Variants in XIRP2 observed in about 807,000 individuals in gnomAD.
XIRP2 encodes xin actin binding repeat containing 2.
XIRP2 carries 236 observed loss-of-function variants against 277.0 expected under a neutral mutation model. The ratio of observed to expected loss-of-function variants is 0.85; its 90% confidence interval spans 0.77 to 0.95. The LOEUF (loss-of-function observed/expected upper bound fraction) is 0.95, where lower values mean the gene tolerates loss of function less well. XIRP2 is among the 40% of genes least tolerant of loss of function. The pLI, the probability that XIRP2 is intolerant of heterozygous loss-of-function variation, is 0.00. For missense variants in XIRP2, 4,640 were observed against 4,157.5 expected, an observed-to-expected ratio of 1.12 and a Z score of -3.19; for synonymous variants, 1,490 against 1,416.5, an observed-to-expected ratio of 1.05 and a Z score of -1.17.
Position 166,963,703 on chromosome 2 carries a change from A to T in XIRP2, c.408+59813A>T, listed in dbSNP as rs138305712. Among the ~76,000 whole-genome samples the T allele has an allele frequency of 2.3e-3, 344 of 151,972 alleles. 2 individuals are homozygous for T. The highest frequency in any genetic ancestry group is 7.8e-3 in the African/African-American group (325 of 41,534). ...TCAGGAACCTCTCAGAAAGAAGACC[A>T]GCATAGCTGAAGCAGAGCAAAGAAG... On this transcript the variant is annotated intron_variant, in intron 2 of 10. Transcript: ENST00000409195.
intron 5 of XIRP2, among the ~76,000 whole-genome samples, chr2:167,221,455 C>A (rs1190481171): frequency 1.1e-5 from 1 of 93,836 alleles, no homozygotes. Flanking sequence ...AGCGAAACTC[C>A]ATCTCAAAAA....
At chr2:167,062,499 G>GT (rs1472898821) in intron 2 of XIRP2, among the ~76,000 whole-genome samples, 1 of 152,034 alleles carries the variant, frequency 6.6e-6, no homozygotes, top group Non-Finnish European at 1.5e-5. Flanking sequence ...TTGTTGTCTG[G>GT]TTTTGACAAC....
Position 167,254,000 on chromosome 2 carries a change from C to T in XIRP2, c.10556-32C>T, listed in dbSNP as rs202154970. On this transcript the variant is annotated intron_variant, in intron 9 of 10. Coordinates refer to ENST00000409195, the MANE Select transcript of XIRP2 (RefSeq NM_152381.6). ...TTTTACAATATGATTGAAGATAACA[C>T]TACAGAAGGCTTTGTAAATTTTTAT... 87 of 1,558,560 alleles carry T rather than the reference C, an allele frequency of 5.6e-5. 1 individual carries two copies. The Admixed American group carries it at 1.7e-3, about 30-fold the overall frequency.
chr2:166,920,427 A>G (rs990162623), intron 2 of XIRP2, among the ~76,000 whole-genome samples: 3 of 152,116 alleles, frequency 2.0e-5, no homozygotes, highest in Non-Finnish European at 4.4e-5. Flanking sequence ...TGTGTTTCTG[A>G]TATAAATGGA....
chr2:167,007,019 G>A (rs1687520326), intron 2 of XIRP2, among the ~76,000 whole-genome samples: 2 of 151,640 alleles, frequency 1.3e-5, no homozygotes, highest in Admixed American at 6.6e-5. Context: ...TAAAGGAAAA[G>A]CACCTGGTAC....
At chr2:166,974,436 G>A (rs1246644976) in intron 2 of XIRP2, among the ~76,000 whole-genome samples, 1 of 151,858 alleles carries the variant, frequency 6.6e-6, no homozygotes, top group Non-Finnish European at 1.5e-5. Context: ...AACTAAAATT[G>A]TGTATTGTGG....
chr2:167,009,220 C>T (rs1283776795), intron 2 of XIRP2, among the ~76,000 whole-genome samples: 4 of 114,932 alleles, frequency 3.5e-5, no homozygotes, highest in Non-Finnish European at 6.9e-5. Flanking sequence ...CCCCTCCCCC[C>T]ACCCCACAAC....
intron 2 of XIRP2, among the ~76,000 whole-genome samples, chr2:167,120,436 C>T (rs1691024395): frequency 6.6e-6 from 1 of 152,046 alleles, no homozygotes; most frequent in Non-Finnish European, 1.5e-5. Flanking sequence ...ATTCACAATC[C>T]TAGCTTTGAA....
intron 3 of XIRP2, among the ~76,000 whole-genome samples, chr2:167,165,068 C>G (rs915959442): frequency 3.3e-5 from 5 of 152,154 alleles, no homozygotes; most frequent in Non-Finnish European, 5.9e-5. Flanking sequence ...TTTGCCTTTT[C>G]TAGAATGTCA....
At chr2:167,237,304 A>T (rs896406271) in intron 5 of XIRP2, among the ~76,000 whole-genome samples, 1 of 152,214 alleles carries the variant, frequency 6.6e-6, no homozygotes, top group African/African-American at 2.4e-5. Flanking sequence ...ACATTTATTT[A>T]CAGTTTTTCT....
Position 167,249,681 on chromosome 2 carries a change from G to C in XIRP2, c.8289G>C (p.Lys2763Asn). The C allele has an allele frequency of 6.2e-7, 1 of 1,613,424 alleles. No individual in the cohort carries two copies. ...AAGCAAGCACTGAATGTAGTCATAAGCAATCTCTGGCTGAAAGACATTATC... is the reference window on the plus strand; with the variant it reads ...AAGCAAGCACTGAATGTAGTCATAACCAATCTCTGGCTGAAAGACATTATC... ...KTEASTECSHKQSLAERHYQL... is the reference protein window; with the variant it reads ...KTEASTECSHNQSLAERHYQL... The change falls in exon 9 of 11, where the codon AAG (lysine) becomes AAC (asparagine). Residue 2763 changes from lysine (K) to asparagine (N), a missense_variant. By Grantham distance (94) the Lys-to-Asn change is moderately conservative. Coordinates refer to ENST00000409195, the MANE Select transcript of XIRP2 (RefSeq NM_152381.6).
chr2:167,005,754 A>C (rs1005553183), intron 2 of XIRP2, among the ~76,000 whole-genome samples: 7 of 150,774 alleles, frequency 4.6e-5, no homozygotes, highest in Admixed American at 4.0e-4. Context: ...GTACTGGCCA[A>C]GTTTTAAATA....
intron 3 of XIRP2, among the ~76,000 whole-genome samples, chr2:167,201,184 GAGAGAGAA>G (rs1345355516): frequency 5.6e-5 from 7 of 124,418 alleles, no homozygotes; most frequent in Non-Finnish European, 9.6e-5. Context: ...AAGAAAGAGA[GAGAGAGAA>G]AGAAAGAAAG....
intron 2 of XIRP2, among the ~76,000 whole-genome samples, chr2:167,041,156 C>T (rs1041148371): frequency 2.0e-5 from 3 of 152,162 alleles, no homozygotes; most frequent in Non-Finnish European, 4.4e-5. Context: ...CTGAGCTAAG[C>T]CTTGGCCCCC....
At chr2:167,001,698 C>T (rs995712799) in intron 2 of XIRP2, among the ~76,000 whole-genome samples, 2 of 151,960 alleles carry the variant, frequency 1.3e-5, no homozygotes, top group Admixed American at 1.3e-4. Flanking sequence ...TGTAAGTGCC[C>T]CTAGTACAAA....
At chr2:167,062,243 C>A (rs1245047504) in intron 2 of XIRP2, among the ~76,000 whole-genome samples, 1 of 152,114 alleles carries the variant, frequency 6.6e-6, no homozygotes, top group Non-Finnish European at 1.5e-5. Flanking sequence ...GTGGGAATAC[C>A]TACACCAGGG....
Position 167,254,034 on chromosome 2 carries a change from G to A in XIRP2, c.10558G>A (p.Ala3520Thr), listed in dbSNP as rs920275836. Residue 3520 changes from alanine to threonine, a missense_variant and splice_region_variant, in exon 10 of 11, where the codon GCT (alanine) becomes ACT (threonine). Ala to Thr is a moderately conservative substitution (Grantham distance 58). Transcript: ENST00000409195. ...GCTTTGTAAATTTTTATTTTTAGAA[G>A]CTGCTGCTCCAAGACAAGGAAATAT... ...FQEESAFISE[A>T]AAPRQGNMYT... The A allele has an allele frequency of 6.3e-6, 10 of 1,575,932 alleles. No individual in the cohort carries two copies. Among genetic ancestry groups the A allele is most frequent in the African/African-American group, 2.7e-5 (2 of 72,826 alleles).
intron 2 of XIRP2, among the ~76,000 whole-genome samples, chr2:166,913,120 C>A (rs1684758598): frequency 6.6e-6 from 1 of 152,204 alleles, no homozygotes; most frequent in South Asian, 2.1e-4. Context: ...AACCACTACT[C>A]ACTTCAAAGC....
In XIRP2 at chr2:167,005,051, A is replaced by G. The variant is rs971014289; in HGVS notation, c.408+101161A>G. On this transcript the variant is annotated intron_variant, in intron 2 of 10. Coordinates refer to ENST00000409195, the MANE Select transcript of XIRP2 (RefSeq NM_152381.6). Reference sequence around the variant, plus strand: ...ACTATTGGCAAGAAATAATAAATTCAAAAAAGAAAGTAACTAATATAATGT... The same window carrying G: ...ACTATTGGCAAGAAATAATAAATTCGAAAAAGAAAGTAACTAATATAATGT... 2.0e-5 allele frequency among the ~76,000 whole-genome samples: 3 copies of G among 151,922 alleles called. No homozygotes were observed. The East Asian group carries it at 5.8e-4, about 29-fold the overall frequency.
Sources: gnomAD v4.1 joint callset for allele counts (sites outside exome capture counted in the v4.1 genomes callset) on GRCh38, gnomAD v4.1.1 for gene constraint, MANE v1.5 for transcripts, NCBI Gene and HGNC (gene_info 2026-07-23, HGNC 2026-07-21) for gene names.